Variants in ICE1 observed in about 807,000 individuals in gnomAD.
ICE1 encodes interactor of little elongation complex ELL subunit 1.
ICE1 carries 64 observed loss-of-function variants against 192.7 expected under a neutral mutation model. The ratio of observed to expected loss-of-function variants is 0.33; its 90% confidence interval spans 0.27 to 0.41. ICE1 has a LOEUF of 0.41. Ranked by LOEUF, ICE1 falls within the 10% of genes least tolerant of loss-of-function variation. The pLI, the probability that ICE1 is intolerant of heterozygous loss-of-function variation, is 1.00. For synonymous variants in ICE1, 1,010 were observed against 984.5 expected (o/e 1.03, Z -0.49); for missense variants, 2,708 against 2,696.0 (o/e 1.00, Z -0.10).
In ICE1 at chr5:5,447,779, C is replaced by A; in HGVS notation, c.547+19C>A. 6.3e-7 allele frequency: 1 copy of A among 1,577,068 alleles called. No homozygotes were observed. The highest frequency in any genetic ancestry group is 2.3e-5 in the East Asian group (1 of 43,556). On this transcript the variant is annotated intron_variant, in intron 9 of 18. Coordinates refer to ENST00000296564, the MANE Select transcript of ICE1 (RefSeq NM_015325.3). ...GAAAAGGGTGAGTATTCAGTTAATGCTTACATAAATTTATTTTTGATATGT... is the reference window on the plus strand; with the variant it reads ...GAAAAGGGTGAGTATTCAGTTAATGATTACATAAATTTATTTTTGATATGT...
rs757498769 is a variant in ICE1 at position 5,463,678 on chromosome 5, C to G, written c.4344C>G (p.Ile1448Met). 10 of 1,613,748 alleles carry G rather than the reference C, an allele frequency of 6.2e-6. No homozygotes were observed. The African/African-American group carries it at 1.3e-4, about 22-fold the overall frequency. The change falls in exon 13 of 19, where the codon ATC becomes ATG. Residue 1448 changes from isoleucine to methionine, a missense_variant. Physicochemically the swap from Ile to Met is conservative, Grantham distance 10. Around this residue, in one of 2 missense-constraint regions of ICE1, gnomAD observed 2,366 missense variants for 2,276.6 expected, o/e 1.04. Transcript: ENST00000296564. ...QVTLCDIPGD[I>M]PISQDQGELE... ...CACTGTGTGACATTCCTGGAGACAT[C>G]CCTATTTCTCAGGATCAAGGAGAGC...
rs1475320446 is a variant in ICE1 at position 5,465,063 on chromosome 5, C to T, written c.5729C>T (p.Ser1910Phe). Residue 1910 changes from serine (S) to phenylalanine (F), a missense_variant, in exon 13 of 19, where the codon TCC (serine) becomes TTC (phenylalanine). Coordinates refer to ENST00000296564, the MANE Select transcript of ICE1 (RefSeq NM_015325.3). ...LPLSPKETVE[S>F]HDKAIANALK... ...TTAAGCCCAAAAGAAACTGTGGAGT[C>T]CCATGATAAAGCCATAGCTAATGCC... is the stretch of plus-strand genomic sequence containing the variant. The T allele has an allele frequency of 1.2e-6, 2 of 1,613,814 alleles. No homozygotes were observed. Among genetic ancestry groups the T allele is most frequent in the East Asian group, 4.5e-5 (2 of 44,890 alleles).
chr5:5,460,316 T>A (rs1738729319), intron 12 of ICE1, 120 bp from the exon 13 acceptor site: 1 of 743,236 alleles, frequency 1.3e-6, no homozygotes, highest in Non-Finnish European at 2.2e-6. Context: ...CTGCCCCTGC[T>A]CAAACGTGAT....
At chr5:5,442,024 C>T (rs1228478112) in intron 5 of ICE1, among the ~76,000 whole-genome samples, 1 of 152,180 alleles carries the variant, frequency 6.6e-6, no homozygotes, top group African/African-American at 2.4e-5. Context: ...ATGCCCACTT[C>T]AGATATGAAA....
chr5:5,476,003 G>A lies in ICE1; in HGVS notation c.6444G>A (p.Trp2148Ter). Residue 2148 changes from tryptophan (W) to a stop codon, truncating the protein, a stop_gained, in exon 17 of 19, where the codon TGG becomes TGA. Coordinates refer to ENST00000296564, the MANE Select transcript of ICE1 (RefSeq NM_015325.3). LOFTEE classifies it high-confidence loss of function. ...AGCTGTGGCCTGTGATGGATAAATG[G>A]ATAAAATACAGAAAAGGACATGCAA... Reference protein sequence around the residue: ...SKELWPVMDKWIKYRKGHANI... With the variant: ...SKELWPVMDK 1 of 1,611,434 alleles carries A rather than the reference G, an allele frequency of 6.2e-7. No individual in the cohort carries two copies. The highest frequency in any genetic ancestry group is 1.1e-5 in the South Asian group (1 of 90,760).
chr5:5,453,568 G>A (rs1472744826), intron 10 of ICE1, among the ~76,000 whole-genome samples: 4 of 152,272 alleles, frequency 2.6e-5, no homozygotes, highest in African/African-American at 9.6e-5. Flanking sequence ...AAAAACTTAA[G>A]TTCAAGGAAA....
chr5:5,477,543 A>G (rs1479413590), intron 17 of ICE1, among the ~76,000 whole-genome samples: 4 of 152,226 alleles, frequency 2.6e-5, no homozygotes, highest in Non-Finnish European at 4.4e-5. Context: ...TTCACAGCCA[A>G]ATTTTACCAG....
intron 1 of ICE1, among the ~76,000 whole-genome samples, chr5:5,424,769 A>T (rs1387022397): frequency 1.3e-5 from 2 of 152,170 alleles, no homozygotes; most frequent in Non-Finnish European, 2.9e-5. Flanking sequence ...TTGGAAGAAA[A>T]GTCTCCCATA....
In ICE1 at chr5:5,433,093, G is replaced by A. The variant is rs1304668277; in HGVS notation, c.85-3325G>A. On this transcript the variant is annotated intron_variant, in intron 1 of 18. Transcript: ENST00000296564. Reference sequence around the variant, plus strand: ...CCCTTCTTCTTCCTGGAAGACAGAAGGACTACACTGTTTGGAAGCCTAATG... The same window carrying A: ...CCCTTCTTCTTCCTGGAAGACAGAAAGACTACACTGTTTGGAAGCCTAATG... Among the ~76,000 whole-genome samples, 38 of 152,148 alleles carry A rather than the reference G, an allele frequency of 2.5e-4. 1 individual carries two copies. The highest frequency in any genetic ancestry group is 2.4e-3 in the Admixed American group (37 of 15,270).
intron 5 of ICE1, among the ~76,000 whole-genome samples, chr5:5,441,805 T>C (rs1579546158): frequency 2.0e-5 from 3 of 152,344 alleles, no homozygotes; most frequent in Admixed American, 2.0e-4. Flanking sequence ...CTTTGTTTGA[T>C]CCCTTTTTAA....
chr5:5,442,987 A>G (rs1254041464), intron 5 of ICE1, among the ~76,000 whole-genome samples, 181 bp from the exon 6 acceptor site: 1 of 152,196 alleles, frequency 6.6e-6, no homozygotes, highest in African/African-American at 2.4e-5. Flanking sequence ...TTGTTGGATT[A>G]TATTGTTAGT....
Position 5,461,979 on chromosome 5 carries a change from G to C in ICE1, c.2645G>C (p.Arg882Thr). 6.2e-7 allele frequency: 1 copy of C among 1,613,936 alleles called. No individual in the cohort carries two copies. The highest frequency in any genetic ancestry group is 8.5e-7 in the Non-Finnish European group (1 of 1,179,892). The change falls in exon 13 of 19, where the codon AGG (arginine) becomes ACG (threonine). Residue 882 changes from arginine (R) to threonine (T), a missense_variant. Arg to Thr is a moderately conservative substitution (Grantham distance 71, BLOSUM62 -1). Coordinates refer to ENST00000296564, the MANE Select transcript of ICE1 (RefSeq NM_015325.3). ...AAATTGGAACACTTGAGGCCACATA[G>C]GGTTGAGCCTACCTTAGTAACAGAA... ...SAKLEHLRPH[R>T]VEPTLVTENS...
At chr5:5,436,331 T>G in intron 1 of ICE1, 87 bp from the exon 2 acceptor site, 1 of 797,584 alleles carries the variant, frequency 1.3e-6, no homozygotes, top group Non-Finnish European at 1.9e-6. Context: ...ATTATTAAAA[T>G]TCTTAGATAT....
At chr5:5,478,474 A>G (rs1043210923) in intron 17 of ICE1, among the ~76,000 whole-genome samples, 2 of 152,218 alleles carry the variant, frequency 1.3e-5, no homozygotes, top group Admixed American at 1.3e-4. Flanking sequence ...ATGGAAAAAC[A>G]TTTCATGCTC....
At chr5:5,483,761 A>G (rs550741234) in intron 17 of ICE1, among the ~76,000 whole-genome samples, 2 of 152,320 alleles carry the variant, frequency 1.3e-5, no homozygotes, top group East Asian at 1.9e-4. Context: ...ATTAACTGGA[A>G]CCTAGAGCTA....
At position 5,462,680 on chromosome 5, in the gene ICE1, T is replaced by C; in HGVS notation, c.3346T>C (p.Cys1116Arg). Residue 1116 changes from cysteine (C) to arginine (R), a missense_variant, in exon 13 of 19, where the codon TGC becomes CGC. Physicochemically the swap from Cys to Arg is radical, Grantham distance 180 (BLOSUM62 -3). Transcript: ENST00000296564. ...DTEVESEAFSCSEGSEQQDAP... is the reference protein window; with the variant it reads ...DTEVESEAFSRSEGSEQQDAP... ...TGAGGTAGAGAGTGAGGCATTTAGC[T>C]GCAGTGAGGGGAGCGAACAGCAAGA... The C allele has an allele frequency of 6.2e-7, 1 of 1,613,944 alleles. No individual in the cohort carries two copies. Among genetic ancestry groups the C allele is most frequent in the Non-Finnish European group, 8.5e-7 (1 of 1,179,858 alleles).
chr5:5,444,845 A>G (rs1738165513), intron 7 of ICE1, among the ~76,000 whole-genome samples: 1 of 152,200 alleles, frequency 6.6e-6, no homozygotes, highest in Admixed American at 6.5e-5. Context: ...GTGAGTAGGT[A>G]CGAGTGCAGA....
chr5:5,461,826 C>T lies in ICE1; in HGVS notation c.2492C>T (p.Pro831Leu). 6.2e-7 allele frequency: 1 copy of T among 1,613,958 alleles called. No homozygotes were observed. The highest frequency in any genetic ancestry group is 8.5e-7 in the Non-Finnish European group (1 of 1,179,874). ...KAMPFLQNRG[P>L]TPKPDLLREN... ...ATGCCATTCCTACAAAATAGAGGAC[C>T]AACACCCAAGCCTGATCTTCTTAGA... is the stretch of plus-strand genomic sequence containing the variant. The change falls in exon 13 of 19, where the codon CCA becomes CTA. Residue 831 changes from proline (P) to leucine (L), a missense_variant. Physicochemically the swap from Pro to Leu is moderately conservative, Grantham distance 98. Transcript: ENST00000296564.
chr5:5,481,931 A>T (rs1200396305), intron 17 of ICE1, among the ~76,000 whole-genome samples: 1 of 152,200 alleles, frequency 6.6e-6, no homozygotes, highest in African/African-American at 2.4e-5. Context: ...GTACTCTAGG[A>T]TGATGTTTGT....
Sources: gnomAD v4.1 joint callset for allele counts (sites outside exome capture counted in the v4.1 genomes callset) on GRCh38, gnomAD v4.1.1 for gene constraint, gnomAD v4.1.1 regional missense constraint, MANE v1.5 for transcripts, NCBI Gene and HGNC (gene_info 2026-07-23, HGNC 2026-07-21) for gene names.